Variants in NTNG1 observed in about 807,000 individuals in gnomAD.
The protein encoded by NTNG1 is netrin-G1.
In NTNG1, 16 loss-of-function variants were observed where a neutral mutation model predicts 54.0. The ratio of observed to expected loss-of-function variants is 0.30; its 90% confidence interval spans 0.20 to 0.45. NTNG1 has a LOEUF of 0.45. Ranked by LOEUF, NTNG1 falls within the 20% of genes least tolerant of loss-of-function variation. The pLI is 1.00. For synonymous variants in NTNG1, 255 were observed against 263.1 expected (o/e 0.97, Z 0.30); for missense variants, 530 against 678.7 (o/e 0.78, Z 2.43).
intron 2 of NTNG1, among the ~76,000 whole-genome samples, chr1:107,179,053 T>A (rs1656868809): frequency 6.6e-6 from 1 of 152,170 alleles, no homozygotes; most frequent in Non-Finnish European, 1.5e-5. Context: ...GCCTCCTCCT[T>A]TTTTAGCCCT....
At chr1:107,193,178 C>A (rs4497243) in intron 2 of NTNG1, among the ~76,000 whole-genome samples, 9,730 of 152,064 alleles carry the variant, frequency 0.064, 410 homozygotes, top group African/African-American at 0.12. Context: ...CTTCTTACCT[C>A]TTTGAGAACC....
At chr1:107,286,209 G>T (rs912573835) in intron 2 of NTNG1, among the ~76,000 whole-genome samples, 1 of 152,152 alleles carries the variant, frequency 6.6e-6, no homozygotes, top group Non-Finnish European at 1.5e-5. Flanking sequence ...ACTCAATGGT[G>T]TAGAAGTGGC....
chr1:107,314,324 G>A (rs1379070691), intron 2 of NTNG1, among the ~76,000 whole-genome samples: 1 of 152,114 alleles, frequency 6.6e-6, no homozygotes, highest in African/African-American at 2.4e-5. Context: ...GCTTGAACCC[G>A]GGAGGCAGAG....
intron 2 of NTNG1, among the ~76,000 whole-genome samples, chr1:107,152,038 A>G (rs570358020): frequency 7.2e-5 from 11 of 151,758 alleles, no homozygotes; most frequent in Non-Finnish European, 1.5e-4. Flanking sequence ...ATATACATAC[A>G]TATATACATA....
intron 2 of NTNG1, among the ~76,000 whole-genome samples, chr1:107,157,987 C>T (rs1355367671): frequency 4.6e-5 from 7 of 152,102 alleles, no homozygotes; most frequent in African/African-American, 1.4e-4. Context: ...GTGGTAGAGA[C>T]ATAATCTTAG....
chr1:107,231,593 C>T (rs1352688213), intron 2 of NTNG1, among the ~76,000 whole-genome samples: 1 of 151,858 alleles, frequency 6.6e-6, no homozygotes, highest in Non-Finnish European at 1.5e-5. Context: ...AAATTAATTA[C>T]AATTCTGAGA....
chr1:107,170,266 G>A (rs189248049), intron 2 of NTNG1, among the ~76,000 whole-genome samples: 19 of 152,252 alleles, frequency 1.2e-4, no homozygotes, highest in Admixed American at 1.2e-3. Flanking sequence ...AGACCTAAAG[G>A]AAGTAAAAAT....
intron 3 of NTNG1, among the ~76,000 whole-genome samples, chr1:107,327,207 A>C (rs2101887037): frequency 6.6e-6 from 1 of 152,296 alleles, no homozygotes; most frequent in South Asian, 2.1e-4. Context: ...TCCTCAGGGC[A>C]GAACTGATGC....
At chr1:107,202,284 G>A (rs1234294058) in intron 2 of NTNG1, among the ~76,000 whole-genome samples, 1 of 151,564 alleles carries the variant, frequency 6.6e-6, no homozygotes, top group East Asian at 1.9e-4. Flanking sequence ...TACTAACTTT[G>A]TGATTTGGAC....
intron 2 of NTNG1, among the ~76,000 whole-genome samples, chr1:107,304,656 C>T (rs77109157): frequency 0.04 from 6,036 of 151,904 alleles, 144 homozygotes; most frequent in Non-Finnish European, 0.046. Flanking sequence ...TAATTTATGA[C>T]GAATTGTTTT....
At chr1:107,311,537 C>T (rs766827839) in intron 2 of NTNG1, among the ~76,000 whole-genome samples, 39 of 152,018 alleles carry the variant, frequency 2.6e-4, no homozygotes, top group Non-Finnish European at 4.3e-4. Flanking sequence ...TTTTTTTCTA[C>T]ATTGCTTATT....
rs1557900796 is a variant in NTNG1 at position 107,324,909 on chromosome 1, A to C, written c.874A>C (p.Lys292Gln). ...ARYFYAISDI[K>Q]VRGRCKCNLH... ...CTACTTTTACGCGATCTCAGACATA[A>C]AGGTGCGAGGAAGGTAAGAGAAAAT... The change falls in exon 3 of 8, where the codon AAG becomes CAG. Residue 292 changes from lysine (K) to glutamine (Q), a missense_variant. By Grantham distance (53) the Lys-to-Gln change is moderately conservative. Transcript: ENST00000370068. 1.2e-6 allele frequency: 2 copies of C among 1,610,110 alleles called. No individual in the cohort carries two copies. Among genetic ancestry groups the C allele is most frequent in the East Asian group, 4.5e-5 (2 of 44,794 alleles).
chr1:107,439,431 C>A (rs651566), intron 7 of NTNG1, among the ~76,000 whole-genome samples: 145,893 of 152,200 alleles, frequency 0.96, 70,239 homozygotes, highest in East Asian at 1. Context: ...GAATCATCAT[C>A]TGGAGAAGAT....
At chr1:107,323,609 C>G (rs546592700) in intron 2 of NTNG1, among the ~76,000 whole-genome samples, 2 of 152,082 alleles carry the variant, frequency 1.3e-5, no homozygotes, top group Middle Eastern at 3.2e-3. Flanking sequence ...CCAAGACTTT[C>G]CTGAACAATC....
At position 107,303,810 on chromosome 1, in the gene NTNG1, C is replaced by A. The variant is rs150143864; in HGVS notation, c.247-20472C>A. Among the ~76,000 whole-genome samples, 870 of 152,158 alleles carry A rather than the reference C, an allele frequency of 5.7e-3. 16 individuals carry two copies. The highest frequency in any genetic ancestry group is 0.02 in the African/African-American group (838 of 41,492). On this transcript the variant is annotated intron_variant, in intron 2 of 7. Coordinates refer to ENST00000370068, the MANE Select transcript of NTNG1 (RefSeq NM_001113226.3). ...CAAGTGATTCCCCTGCCTCAGTCTCCGGAGTAGCTGGGACTACAGGCGCAC... is the reference window on the plus strand; with the variant it reads ...CAAGTGATTCCCCTGCCTCAGTCTCAGGAGTAGCTGGGACTACAGGCGCAC...
intron 3 of NTNG1, 111 bp from the exon 4 acceptor site, chr1:107,395,043 T>C: frequency 1.2e-6 from 1 of 806,428 alleles, no homozygotes; most frequent in East Asian, 2.4e-5. Context: ...ACTAAATGCC[T>C]CTGTGTATCA....
At chr1:107,292,526 A>C (rs2493992) in intron 2 of NTNG1, among the ~76,000 whole-genome samples, 1 of 151,968 alleles carries the variant, frequency 6.6e-6, no homozygotes, top group Non-Finnish European at 1.5e-5. Context: ...CAGCACCAGG[A>C]AAAGGCAGTC....
In NTNG1 at chr1:107,430,764, G is replaced by A. The variant is rs980288364; in HGVS notation, c.1102G>A (p.Gly368Ser). Reference sequence around the variant, plus strand: ...TTCCTTGCAAGATTGTGAATGCTTCGGCCACTCCAATCGATGCAGTTATAT... The same window carrying A: ...TTCCTTGCAAGATTGTGAATGCTTCAGCCACTCCAATCGATGCAGTTATAT... ...ISSIGNCECF[G>S]HSNRCSYIDL... Residue 368 changes from glycine to serine, a missense_variant, in exon 6 of 8, where the codon GGC becomes AGC. Gly to Ser is a moderately conservative substitution (Grantham distance 56). Transcript: ENST00000370068. The A allele has an allele frequency of 6.2e-6, 10 of 1,612,752 alleles. No individual in the cohort carries two copies. The highest frequency in any genetic ancestry group is 7.6e-6 in the Non-Finnish European group (9 of 1,179,520).
chr1:107,431,663 T>C (rs1262427432), intron 6 of NTNG1, among the ~76,000 whole-genome samples: 1 of 152,136 alleles, frequency 6.6e-6, no homozygotes, highest in African/African-American at 2.4e-5. Context: ...ACCTTTTACA[T>C]AGTGAAACCT....
Sources: allele counts gnomAD v4.1 joint callset (sites outside exome capture counted in the v4.1 genomes callset), GRCh38; gene constraint gnomAD v4.1.1; transcripts MANE v1.5; gene names NCBI Gene and HGNC (gene_info 2026-07-23, HGNC 2026-07-21).